The following LRFN5 variants were observed in gnomAD, a reference collection of about 807,000 sequenced individuals.
LRFN5 encodes leucine-rich repeat and fibronectin type-III domain-containing protein 5.
In LRFN5, 24 loss-of-function variants were observed where a neutral mutation model predicts 45.6. The ratio of observed to expected loss-of-function variants is 0.53; its 90% CI spans 0.38 to 0.74. LRFN5 has a LOEUF of 0.74. Ranked by LOEUF, LRFN5 falls within the 30% of genes least tolerant of loss-of-function variation. LRFN5 has a pLI of 0.00. For synonymous variants in LRFN5, 340 were observed against 313.8 expected, an observed-to-expected ratio of 1.08 and a Z score of -0.88; for missense variants, 776 against 861.5, an observed-to-expected ratio of 0.90 and a Z score of 1.24.
At chr14:41,900,126 T>G (rs895587161) in intron 5 of LRFN5, among the ~76,000 whole-genome samples, 1 of 152,078 alleles carries the variant, frequency 6.6e-6, no homozygotes, top group Non-Finnish European at 1.5e-5. Context: ...ATCATGTAAC[T>G]TTAATAAATC....
intron 1 of LRFN5, among the ~76,000 whole-genome samples, chr14:41,619,704 AATATATGTACAT>A (rs1201807604): frequency 1.3e-5 from 2 of 152,048 alleles, no homozygotes; most frequent in Non-Finnish European, 2.9e-5. Flanking sequence ...TGTATATTGC[AATATATGTACAT>A]ATATATGTAC....
intron 1 of LRFN5, among the ~76,000 whole-genome samples, chr14:41,732,757 G>T (rs1884234058): frequency 6.7e-6 from 1 of 149,820 alleles, no homozygotes; most frequent in African/African-American, 2.5e-5. Flanking sequence ...TTAACCAACA[G>T]AATTTCTGAT....
At chr14:41,709,509 T>G (rs1883200400) in intron 1 of LRFN5, among the ~76,000 whole-genome samples, 1 of 152,038 alleles carries the variant, frequency 6.6e-6, no homozygotes, top group Non-Finnish European at 1.5e-5. Flanking sequence ...ATTAATTCCT[T>G]TTTTATATTT....
At chr14:41,880,569 G>A (rs1890345116) in intron 2 of LRFN5, among the ~76,000 whole-genome samples, 1 of 151,898 alleles carries the variant, frequency 6.6e-6, no homozygotes. Context: ...AAAGTTCCAT[G>A]AGAATCTGGA....
Position 41,734,316 on chromosome 14 carries a change from TTATATATATA to T in LRFN5, c.-196-32518_-196-32509del, listed in dbSNP as rs60855395. On this transcript the variant is annotated intron_variant, in intron 1 of 5. Coordinates refer to ENST00000298119, the MANE Select transcript of LRFN5 (RefSeq NM_152447.5). ...GTGAGCCACCTTTCCTGGACTGGTT[TTATATATATA>T]TATATATATATATATATATTTAAAT... Among the ~76,000 whole-genome samples, 62 of 38,798 alleles carry T rather than the reference TTATATATATA, an allele frequency of 1.6e-3. 8 individuals carry two copies. The highest frequency in any genetic ancestry group is 0.013 in the East Asian group (5 of 374). The allele number at this position is 38,798 out of a possible 152,430, so 25.5% of individuals were successfully genotyped here. A position where few individuals can be genotyped will look rare whatever the true frequency, so the allele number is the denominator to read the frequency against.
At chr14:41,677,469 A>G (rs1350155852) in intron 1 of LRFN5, among the ~76,000 whole-genome samples, 1 of 152,148 alleles carries the variant, frequency 6.6e-6, no homozygotes, top group Non-Finnish European at 1.5e-5. Context: ...TATTTAAAGA[A>G]CTAAGAAAAA....
intron 2 of LRFN5, among the ~76,000 whole-genome samples, chr14:41,858,431 C>A (rs895053842): frequency 6.6e-6 from 1 of 151,834 alleles, no homozygotes; most frequent in African/African-American, 2.4e-5. Context: ...CTTTTTTTCC[C>A]TCCCTGCCAA....
chr14:41,660,160 A>G (rs1455547965), intron 1 of LRFN5, among the ~76,000 whole-genome samples: 1 of 151,900 alleles, frequency 6.6e-6, no homozygotes, highest in Non-Finnish European at 1.5e-5. Context: ...TGAGTAGCTG[A>G]GATTACAGGC....
intron 2 of LRFN5, among the ~76,000 whole-genome samples, chr14:41,787,713 T>C (rs980718613): frequency 9.4e-5 from 14 of 149,486 alleles, no homozygotes; most frequent in Admixed American, 5.3e-4. Flanking sequence ...GGAATATAAC[T>C]TTTTTTTCCT....
intron 1 of LRFN5, among the ~76,000 whole-genome samples, chr14:41,703,496 A>G (rs1033735817): frequency 1.3e-5 from 2 of 152,046 alleles, no homozygotes; most frequent in Non-Finnish European, 2.9e-5. Flanking sequence ...AACTTATTCT[A>G]TTAAACAGAA....
chr14:41,869,129 T>C (rs542418614), intron 2 of LRFN5, among the ~76,000 whole-genome samples: 60 of 152,296 alleles, frequency 3.9e-4, no homozygotes, highest in African/African-American at 1.4e-3. Flanking sequence ...GTTATTCATT[T>C]CCATTGCTTT....
chr14:41,723,031 G>A (rs950718833), intron 1 of LRFN5, among the ~76,000 whole-genome samples: 5 of 152,200 alleles, frequency 3.3e-5, no homozygotes, highest in African/African-American at 1.2e-4. Context: ...TGCATAGTAG[G>A]TGGGGTAGCC....
chr14:41,842,616 T>C (rs112898881), intron 2 of LRFN5, among the ~76,000 whole-genome samples: 5 of 152,088 alleles, frequency 3.3e-5, no homozygotes, highest in African/African-American at 1.2e-4. Flanking sequence ...ATTTTCAGAG[T>C]GCTGTTTGTT....
At chr14:41,896,389 C>T (rs1318044758) in intron 4 of LRFN5, among the ~76,000 whole-genome samples, 1 of 152,092 alleles carries the variant, frequency 6.6e-6, no homozygotes, top group Non-Finnish European at 1.5e-5. Flanking sequence ...TCCCTTGTTT[C>T]AAGAACAGTC....
intron 2 of LRFN5, among the ~76,000 whole-genome samples, chr14:41,775,263 T>C (rs1414058760): frequency 6.6e-6 from 1 of 151,906 alleles, no homozygotes; most frequent in Non-Finnish European, 1.5e-5. Context: ...GCTAATTTTT[T>C]GTGTTTTTAG....
chr14:41,841,063 T>C lies in LRFN5; in HGVS notation c.-20-45543T>C, dbSNP rs192765269. On this transcript the variant is annotated intron_variant, in intron 2 of 5. Transcript: ENST00000298119. ...ACAATCAACAATAGTATGGTATGTG[T>C]CTGTAGCAATATGGAAAAAAAAAAC... Among the ~76,000 whole-genome samples, 569 of 151,922 alleles carry C rather than the reference T, an allele frequency of 3.7e-3. 4 individuals carry two copies. The highest frequency in any genetic ancestry group is 0.013 in the African/African-American group (537 of 41,520).
At chr14:41,669,113 A>G (rs1181018599) in intron 1 of LRFN5, among the ~76,000 whole-genome samples, 1 of 152,130 alleles carries the variant, frequency 6.6e-6, no homozygotes, top group African/African-American at 2.4e-5. Context: ...ATAGCCAAAT[A>G]GCAAAACAAA....
intron 4 of LRFN5, chr14:41,892,890 T>C (rs1890830740): frequency 1.0e-6 from 1 of 985,194 alleles, no homozygotes; most frequent in African/African-American, 1.7e-5. Context: ...ACACATTTTT[T>C]GAATGAATGA....
At chr14:41,764,671 T>C (rs1427801119) in intron 1 of LRFN5, among the ~76,000 whole-genome samples, 1 of 152,128 alleles carries the variant, frequency 6.6e-6, no homozygotes, top group Non-Finnish European at 1.5e-5. Context: ...ATTTATTTTT[T>C]ATACTGCATC....
Sources: allele counts gnomAD v4.1 joint callset (sites outside exome capture counted in the v4.1 genomes callset), GRCh38; gene constraint gnomAD v4.1.1; transcripts MANE v1.5; gene names NCBI Gene and HGNC (gene_info 2026-07-23, HGNC 2026-07-21).